Variants in ADCY7 observed in about 807,000 individuals in gnomAD.
The protein encoded by ADCY7 is adenylate cyclase 7.
A neutral mutation model predicts 120.6 loss-of-function variants in ADCY7; 72 were observed. The ratio of observed to expected loss-of-function variants is 0.60; its 90% CI spans 0.49 to 0.73. The LOEUF (loss-of-function observed/expected upper bound fraction) is 0.73, where lower values mean the gene tolerates loss of function less well. ADCY7 is among the 30% of genes least tolerant of loss of function. The pLI, the probability that ADCY7 is intolerant of heterozygous loss-of-function variation, is 0.00. For missense variants in ADCY7, 1,227 were observed against 1,486.0 expected, an observed-to-expected ratio of 0.83 and a Z score of 2.87; for synonymous variants, 661 against 628.0, an observed-to-expected ratio of 1.05 and a Z score of -0.78.
chr16:50,250,247 G>A (rs1420614774), intron 1 of ADCY7, among the ~76,000 whole-genome samples: 1 of 152,162 alleles, frequency 6.6e-6, no homozygotes, highest in East Asian at 1.9e-4. Flanking sequence ...CTTGAGCTCA[G>A]GAGTTCGTGA....
At position 50,316,916 on chromosome 16, in the gene ADCY7, A is replaced by G. The variant is rs1202070634; in HGVS notation, c.*1411A>G. On this transcript the variant is annotated 3_prime_UTR_variant, in exon 26 of 26. Coordinates refer to ENST00000673801, the MANE Select transcript of ADCY7 (RefSeq NM_001114.5). ...AGCTAGGTGTCCCCATGAACCCCGT[A>G]AAGTTCTACACAAAGTCTTGCATAC... is the stretch of plus-strand genomic sequence containing the variant. 1 of 152,524 alleles carries G rather than the reference A, an allele frequency of 6.6e-6. No homozygotes were observed. The highest frequency in any genetic ancestry group is 2.1e-4 in the South Asian group (1 of 4,836). 9.4% of individuals were successfully genotyped at this position (152,524 alleles called of 1,614,324 possible).
chr16:50,300,263 G>T (rs981379653), intron 8 of ADCY7, among the ~76,000 whole-genome samples: 1 of 152,018 alleles, frequency 6.6e-6, no homozygotes, highest in Non-Finnish European at 1.5e-5. Flanking sequence ...TAGAGTCAGG[G>T]TTTTGCCATA....
intron 1 of ADCY7, among the ~76,000 whole-genome samples, chr16:50,256,440 C>A (rs78644709): frequency 6.6e-6 from 1 of 152,124 alleles, no homozygotes; most frequent in South Asian, 2.1e-4. Flanking sequence ...TGGTGGCTCA[C>A]GCCTGTAATT....
At chr16:50,250,598 G>A (rs1235214085) in intron 1 of ADCY7, among the ~76,000 whole-genome samples, 1 of 148,604 alleles carries the variant, frequency 6.7e-6, no homozygotes, top group Non-Finnish European at 1.5e-5. Flanking sequence ...GTGAAACTCT[G>A]TCTCTATTTT....
chr16:50,254,823 TG>T, intron 1 of ADCY7, among the ~76,000 whole-genome samples: 1 of 13,236 alleles, frequency 7.6e-5, no homozygotes, highest in East Asian at 3.7e-3. Flanking sequence ...CCCCACCCCC[TG>T]CCAAAACAAA....
rs2034686562 is a variant in ADCY7, at chr16:50,287,956, G to GATCCTGGATGCCGCC, written c.-223_-222insTCCTGGATGCCGCCA. 3 of 480,944 alleles carry GATCCTGGATGCCGCC rather than the reference G, an allele frequency of 6.2e-6. No homozygotes were observed. In the South Asian group the frequency reaches 1.1e-4, roughly 17 times the overall value. The allele number at this position is 480,944 out of a possible 1,614,324, so 29.8% of individuals were successfully genotyped here. A position where few individuals can be genotyped will look rare whatever the true frequency, so the allele number is the denominator to read the frequency against. ...GAGTCAGCCCAGTCTGGATGCACAG[G>GATCCTGGATGCCGCC]AGGATGCTGGCGGCACAGTGAGTGA... On this transcript the variant is annotated 5_prime_UTR_variant, in exon 2 of 26. It adds an upstream start codon to the 5' untranslated region. Coordinates refer to ENST00000673801, the MANE Select transcript of ADCY7 (RefSeq NM_001114.5).
intron 7 of ADCY7, among the ~76,000 whole-genome samples, chr16:50,295,803 C>T (rs2035315032): frequency 6.6e-6 from 1 of 152,030 alleles, no homozygotes; most frequent in Non-Finnish European, 1.5e-5. Flanking sequence ...AGTGCCAGGC[C>T]CTGAGTCTGG....
chr16:50,311,915 A>T, intron 20 of ADCY7, 121 bp from the exon 21 acceptor site: 8 of 1,492,930 alleles, frequency 5.4e-6, no homozygotes, highest in Non-Finnish European at 4.6e-6. Context: ...CCAGGAAAGC[A>T]CTGGTCCCCT....
chr16:50,275,599 A>G (rs2033838136), intron 1 of ADCY7, among the ~76,000 whole-genome samples: 2 of 152,160 alleles, frequency 1.3e-5, no homozygotes, highest in African/African-American at 4.8e-5. Context: ...GCTAATGTGT[A>G]TGGGGGATCT....
At chr16:50,281,394 C>CGGCAGGTGT (rs1567544468) in intron 1 of ADCY7, among the ~76,000 whole-genome samples, 1 of 152,054 alleles carries the variant, frequency 6.6e-6, no homozygotes, top group African/African-American at 2.4e-5. Flanking sequence ...AAGGCAGGTG[C>CGGCAGGTGT]GGCAGGTGCA....
chr16:50,310,570 G>A lies in ADCY7; in HGVS notation c.2161-117G>A. ...TTGTTTTTTGTTGAGAAGGGAGGTG[G>A]TAAGGCAAGAGCGTGATGCTGAGGT... On this transcript the variant is annotated intron_variant, in intron 18 of 25. Coordinates refer to ENST00000673801, the MANE Select transcript of ADCY7 (RefSeq NM_001114.5). The A allele has an allele frequency of 3.2e-6, 5 of 1,568,378 alleles. No individual in the cohort carries two copies. The South Asian group carries it at 5.8e-5, about 18-fold the overall frequency.
chr16:50,252,898 C>T (rs1005542169), intron 1 of ADCY7, among the ~76,000 whole-genome samples: 15 of 152,088 alleles, frequency 9.9e-5, no homozygotes, highest in African/African-American at 4.8e-5. Context: ...CGAAGTAACC[C>T]ATTAACATAT....
At chr16:50,312,559 C>G (rs1567583512) in intron 21 of ADCY7, among the ~76,000 whole-genome samples, 1 of 152,176 alleles carries the variant, frequency 6.6e-6, no homozygotes, top group Non-Finnish European at 1.5e-5. Flanking sequence ...TTATGTGTAG[C>G]AAGTTTTCTA....
At chr16:50,249,298 G>A (rs1045523419) in intron 1 of ADCY7, among the ~76,000 whole-genome samples, 1 of 152,138 alleles carries the variant, frequency 6.6e-6, no homozygotes, top group African/African-American at 2.4e-5. Context: ...AAATTAGCCA[G>A]GCATGGTGGT....
chr16:50,308,855 C>A, intron 17 of ADCY7, 63 bp downstream of exon 17: 3 of 1,529,250 alleles, frequency 2.0e-6, no homozygotes, highest in Non-Finnish European at 2.6e-6. Context: ...TTTGGGACGC[C>A]TACAATGTGG....
chr16:50,248,485 A>G (rs1034596449), intron 1 of ADCY7, among the ~76,000 whole-genome samples: 1 of 152,230 alleles, frequency 6.6e-6, no homozygotes, highest in Non-Finnish European at 1.5e-5. Flanking sequence ...CTTTGACGCC[A>G]AACACTCACA....
chr16:50,299,035 G>A lies in ADCY7; in HGVS notation c.1076+4G>A. ...TGGACATGTGCCAGGCCATCAAGTA[G>A]GTCCTGGGCGGGCCCAGGCCCTGGG... On this transcript the variant is annotated splice_donor_region_variant and intron_variant, in intron 8 of 25. Coordinates refer to ENST00000673801, the MANE Select transcript of ADCY7 (RefSeq NM_001114.5). 5.0e-6 allele frequency: 8 copies of A among 1,607,030 alleles called. No individual in the cohort carries two copies. The highest frequency in any genetic ancestry group is 6.8e-6 in the Non-Finnish European group (8 of 1,178,270).
chr16:50,271,207 G>A (rs192032978), intron 1 of ADCY7, among the ~76,000 whole-genome samples: 1 of 152,238 alleles, frequency 6.6e-6, no homozygotes, highest in African/African-American at 2.4e-5. Flanking sequence ...CTTTTTCCTT[G>A]GAATACCTAG....
chr16:50,292,950 T>G, intron 5 of ADCY7, 125 bp downstream of exon 5: 7 of 1,242,254 alleles, frequency 5.6e-6, no homozygotes, highest in Non-Finnish European at 7.9e-6. Flanking sequence ...AGGTCTCACC[T>G]CGGTGAGTCC....
Sources: gnomAD v4.1 joint callset for allele counts (sites outside exome capture counted in the v4.1 genomes callset) on GRCh38, gnomAD v4.1.1 for gene constraint, MANE v1.5 for transcripts, NCBI Gene and HGNC (gene_info 2026-07-23, HGNC 2026-07-21) for gene names.